Variants in LNPK observed in about 807,000 individuals in gnomAD.
LNPK encodes lunapark, ER junction formation factor, also known as endoplasmic reticulum junction formation protein lunapark.
In LNPK, 29 loss-of-function variants were observed where a neutral mutation model predicts 55.2. The ratio of observed to expected loss-of-function variants is 0.53; its 90% CI spans 0.39 to 0.72. LNPK has a LOEUF of 0.72. Ranked by LOEUF, LNPK falls within the 30% of genes least tolerant of loss-of-function variation. The pLI, the probability that LNPK is intolerant of heterozygous loss-of-function variation, is 0.00. For synonymous variants in LNPK, 162 were observed against 168.2 expected, an observed-to-expected ratio of 0.96 and a Z score of 0.29; for missense variants, 467 against 494.8, an observed-to-expected ratio of 0.94 and a Z score of 0.53.
At chr2:175,947,231 C>T (rs1432378055) in intron 9 of LNPK, among the ~76,000 whole-genome samples, 2 of 151,976 alleles carry the variant, frequency 1.3e-5, no homozygotes, top group African/African-American at 2.4e-5. Flanking sequence ...CAGAATAATA[C>T]AAAGTTTTAT....
intron 4 of LNPK, among the ~76,000 whole-genome samples, chr2:175,980,698 G>A (rs1193798334): frequency 1.3e-5 from 2 of 152,088 alleles, no homozygotes; most frequent in Non-Finnish European, 2.9e-5. Context: ...CCTGAGGTCA[G>A]GAGTTTGAGA....
chr2:175,984,844 A>G (rs1276648252), intron 4 of LNPK, among the ~76,000 whole-genome samples: 1 of 152,228 alleles, frequency 6.6e-6, no homozygotes, highest in Non-Finnish European at 1.5e-5. Context: ...CATATACTCC[A>G]GCATTTGCAC....
chr2:175,970,662 A>G (rs886910513), intron 6 of LNPK, 102 bp downstream of exon 6: 2 of 589,044 alleles, frequency 3.4e-6, no homozygotes, highest in Non-Finnish European at 2.5e-6. Context: ...ATCTAAAAGC[A>G]TATTTCTTCC....
chr2:175,988,512 C>CAAAAAA (rs575414400), intron 4 of LNPK, among the ~76,000 whole-genome samples: 2 of 58,700 alleles, frequency 3.4e-5, no homozygotes, highest in African/African-American at 6.8e-5. Context: ...ACTCTGTCTC[C>CAAAAAA]AAAAAAAAAA....
chr2:175,993,559 A>T (rs1687796627), intron 2 of LNPK, among the ~76,000 whole-genome samples: 1 of 152,162 alleles, frequency 6.6e-6, no homozygotes, highest in Non-Finnish European at 1.5e-5. Context: ...TCACGCCTGC[A>T]CTTTGGGAGG....
chr2:175,992,104 G>T, intron 4 of LNPK, 127 bp downstream of exon 4: 1 of 599,206 alleles, frequency 1.7e-6, no homozygotes, highest in Non-Finnish European at 2.7e-6. Context: ...TTCAAATTGT[G>T]AAAGAAATTC....
At chr2:175,947,736 A>G (rs765998012) in intron 8 of LNPK, 44 bp from the exon 9 acceptor site, 4 of 1,352,340 alleles carry the variant, frequency 3.0e-6, no homozygotes, top group Non-Finnish European at 2.0e-6. Flanking sequence ...CCAATATACC[A>G]TATTAGCCAG....
chr2:175,937,456 A>G lies in LNPK; in HGVS notation c.942T>C (p.Ala314=), dbSNP rs1165904185. The change falls in exon 12 of 13, where the codon GCT becomes GCC. Residue 314 remains alanine, a synonymous_variant. Coordinates refer to ENST00000272748, the MANE Select transcript of LNPK (RefSeq NM_030650.3). ...CAAAACTAAACTCAGGAAGTCTTGG[A>G]GCCTGAGGTCTGGTTTTTCTTGCAG... ...LNPARKTRPQ[A]PRLPEFSFEK... The G allele has an allele frequency of 1.2e-6, 2 of 1,613,498 alleles. No individual in the cohort carries two copies. The highest frequency in any genetic ancestry group is 1.7e-6 in the Non-Finnish European group (2 of 1,179,610).
chr2:175,933,159 T>C (rs1684362104), intron 12 of LNPK, among the ~76,000 whole-genome samples: 1 of 152,082 alleles, frequency 6.6e-6, no homozygotes, highest in African/African-American at 2.4e-5. Flanking sequence ...CTTGAGATAT[T>C]ATTATTATTT....
Position 175,996,625 on chromosome 2 carries a change from T to C in LNPK, c.-62-979A>G, listed in dbSNP as rs373234985. Among the ~76,000 whole-genome samples, 520 of 152,276 alleles carry C rather than the reference T, an allele frequency of 3.4e-3. 15 individuals carry two copies. In the South Asian group the frequency reaches 0.072, roughly 21 times the overall value. On this transcript the variant is annotated intron_variant, in intron 1 of 12. Coordinates refer to ENST00000272748, the MANE Select transcript of LNPK (RefSeq NM_030650.3). ...TTTGCCCAATAGCTCAGAAGAAATA[T>C]GGCCTAGAGTCCCTTTATCTTCAGA... is the stretch of plus-strand genomic sequence containing the variant.
At position 175,979,810 on chromosome 2, in the gene LNPK, T is replaced by C; in HGVS notation, c.316A>G (p.Asn106Asp). The C allele has an allele frequency of 6.4e-7, 1 of 1,562,548 alleles. No homozygotes were observed. The highest frequency in any genetic ancestry group is 8.7e-7 in the Non-Finnish European group (1 of 1,153,172). The change falls in exon 5 of 13, where the codon AAT becomes GAT. Residue 106 changes from asparagine (N) to aspartate (D), a missense_variant and splice_region_variant. Asn to Asp is a conservative substitution (Grantham distance 23). Coordinates refer to ENST00000272748, the MANE Select transcript of LNPK (RefSeq NM_030650.3). The stretch of plus-strand genomic sequence containing the variant: ...TATTAAAAATTGGAATTAAACTTAC[T>C]ATTTCTTTCTGTTCTCTTGGAAAAG... ...FFFSKRTERN[N>D]EALDDLKSQR...
At chr2:175,988,060 GGTTT>G (rs1303582438) in intron 4 of LNPK, among the ~76,000 whole-genome samples, 3 of 151,994 alleles carry the variant, frequency 2.0e-5, no homozygotes, top group Non-Finnish European at 2.9e-5. Flanking sequence ...TAAACCTGGT[GGTTT>G]TTCACCAACC....
At chr2:175,975,216 A>G (rs781123309) in intron 5 of LNPK, among the ~76,000 whole-genome samples, 147 of 152,292 alleles carry the variant, frequency 9.7e-4, no homozygotes, top group Non-Finnish European at 1.2e-3. Context: ...AAAATATTAA[A>G]AGTTTTTTCC....
rs1213145642 is a variant in LNPK, at chr2:175,938,357, A to C, written c.839T>G (p.Phe280Cys). The change falls in exon 11 of 13, where the codon TTT (phenylalanine) becomes TGT (cysteine). Residue 280 changes from phenylalanine to cysteine, a missense_variant. Phe to Cys is a radical substitution (Grantham distance 205). Transcript: ENST00000272748. ...NRYALICQQC[F>C]SHNGMALKEE... ...CTTCAAAGCCATGCCATTATGAGAA[A>C]AACACTGCTGACATATAAGTGCATA... is the stretch of plus-strand genomic sequence containing the variant. 7 of 1,603,362 alleles carry C rather than the reference A, an allele frequency of 4.4e-6. No individual in the cohort carries two copies. In the African/African-American group the frequency reaches 8.0e-5, roughly 18 times the overall value.
rs535376319 is a variant in LNPK, at chr2:175,958,667, C to T, written c.493+5705G>A. On this transcript the variant is annotated intron_variant, in intron 8 of 12. Coordinates refer to ENST00000272748, the MANE Select transcript of LNPK (RefSeq NM_030650.3). ...AAAAACCAGAGCACCTCTTCTCTTCCGAAGGATTGCAGCTCCTTGCCAGAA... is the reference window on the plus strand; with the variant it reads ...AAAAACCAGAGCACCTCTTCTCTTCTGAAGGATTGCAGCTCCTTGCCAGAA... 1.2e-4 allele frequency among the ~76,000 whole-genome samples: 18 copies of T among 152,222 alleles called. No homozygotes were observed. In the South Asian group the frequency reaches 2.5e-3, roughly 21 times the overall value.
intron 4 of LNPK, among the ~76,000 whole-genome samples, chr2:175,987,926 G>C (rs147024568): frequency 1.0e-3 from 154 of 152,182 alleles, no homozygotes; most frequent in African/African-American, 3.3e-3. Context: ...CATTTTAAAA[G>C]CTCAATATTC....
intron 8 of LNPK, among the ~76,000 whole-genome samples, chr2:175,951,607 A>ATATCTATATC (rs1553501590): frequency 2.5e-5 from 3 of 121,706 alleles, no homozygotes; most frequent in Non-Finnish European, 5.7e-5. Context: ...ATATATATAT[A>ATATCTATATC]TATCTCAGTT....
At chr2:175,996,153 G>C (rs1656241510) in intron 1 of LNPK, among the ~76,000 whole-genome samples, 1 of 152,044 alleles carries the variant, frequency 6.6e-6, no homozygotes, top group African/African-American at 2.4e-5. Flanking sequence ...AACCAGAACA[G>C]ATCTAAAAGT....
intron 4 of LNPK, among the ~76,000 whole-genome samples, chr2:175,980,904 C>CA (rs369143349): frequency 0.22 from 22,162 of 99,304 alleles, 2,125 homozygotes; most frequent in South Asian, 0.45. Context: ...AAGACTGTCC[C>CA]AAAAAAAAAA....
Sources: gnomAD v4.1 joint callset for allele counts (sites outside exome capture counted in the v4.1 genomes callset) on GRCh38, gnomAD v4.1.1 for gene constraint, MANE v1.5 for transcripts, NCBI Gene and HGNC (gene_info 2026-07-23, HGNC 2026-07-21) for gene names.